Variants in TTC3 observed in about 807,000 individuals in gnomAD.
The protein encoded by TTC3 is E3 ubiquitin-protein ligase TTC3.
A neutral mutation model predicts 249.6 loss-of-function variants in TTC3; 180 were observed. The ratio of observed to expected loss-of-function variants is 0.72; its 90% CI spans 0.64 to 0.82. TTC3 has a LOEUF of 0.82. Among genes scored for constraint, TTC3 ranks in the 40% least tolerant of loss-of-function variants. The pLI is 0.00. For missense variants in TTC3, 2,061 were observed against 2,398.4 expected (o/e 0.86, Z 2.94); for synonymous variants, 717 against 805.0 (o/e 0.89, Z 1.85).
intron 35 of TTC3, among the ~76,000 whole-genome samples, chr21:37,173,521 G>A (rs1384889806): frequency 6.6e-6 from 1 of 152,224 alleles, no homozygotes; most frequent in East Asian, 1.9e-4. Context: ...AATCACAGAT[G>A]TGAGGAAATC....
intron 41 of TTC3, among the ~76,000 whole-genome samples, chr21:37,192,840 TAAAGA>T (rs2084353542): frequency 6.6e-6 from 1 of 152,182 alleles, no homozygotes; most frequent in African/African-American, 2.4e-5. Flanking sequence ...CACAGCACAG[TAAAGA>T]AAAGCATTAA....
intron 10 of TTC3, chr21:37,101,218 G>C (rs1421097682): frequency 6.6e-6 from 1 of 152,192 alleles, no homozygotes; most frequent in Admixed American, 6.5e-5. Context: ...CCTTCCATCA[G>C]ATCCCAACTG....
chr21:37,198,114 G>T, intron 44 of TTC3, 89 bp downstream of exon 44: 1 of 1,415,942 alleles, frequency 7.1e-7, no homozygotes, highest in Non-Finnish European at 9.4e-7. Flanking sequence ...TTCATTTCTA[G>T]ACCTAATTTA....
At chr21:37,153,301 C>G (rs765359837) in intron 27 of TTC3, 24 bp downstream of exon 27, 1 of 1,575,740 alleles carries the variant, frequency 6.3e-7, no homozygotes, top group Non-Finnish European at 8.6e-7. Flanking sequence ...TATTCCAGAG[C>G]AATAAACTTT....
chr21:37,090,360 G>A, intron 6 of TTC3, 74 bp downstream of exon 6: 3 of 1,344,460 alleles, frequency 2.2e-6, no homozygotes, highest in Non-Finnish European at 3.2e-6. Context: ...ATTTCCCCTT[G>A]CATTGGGTCC....
At chr21:37,138,549 T>C (rs1569024291) in intron 18 of TTC3, 85 bp from the exon 19 acceptor site, 1 of 846,106 alleles carries the variant, frequency 1.2e-6, no homozygotes, top group East Asian at 2.6e-5. Flanking sequence ...AGTGAGATTC[T>C]ATTACACTTC....
intron 44 of TTC3, among the ~76,000 whole-genome samples, chr21:37,199,964 A>C (rs1569210049): frequency 6.6e-6 from 1 of 152,234 alleles, no homozygotes; most frequent in Non-Finnish European, 1.5e-5. Flanking sequence ...TAGGTATGGT[A>C]ATCTTCACCT....
At chr21:37,093,648 A>T (rs1420062055) in intron 7 of TTC3, among the ~76,000 whole-genome samples, 4 of 152,122 alleles carry the variant, frequency 2.6e-5, no homozygotes, top group Non-Finnish European at 5.9e-5. Context: ...TGTTTATTGA[A>T]TTGACTTAAG....
At chr21:37,074,764 A>T (rs4817844) in intron 1 of TTC3, among the ~76,000 whole-genome samples, 69,138 of 151,820 alleles carry the variant, frequency 0.46, 16,246 homozygotes, top group Non-Finnish European at 0.52. Flanking sequence ...TACTGCTCCG[A>T]TTGCTCAAGG....
At chr21:37,136,779 G>A (rs2077980876) in intron 18 of TTC3, among the ~76,000 whole-genome samples, 1 of 152,192 alleles carries the variant, frequency 6.6e-6, no homozygotes, top group South Asian at 2.1e-4. Flanking sequence ...ACCTTCTGTT[G>A]GAAGAAGATG....
At chr21:37,159,136 C>A (rs1212775045) in intron 28 of TTC3, among the ~76,000 whole-genome samples, 2 of 152,184 alleles carry the variant, frequency 1.3e-5, no homozygotes, top group Non-Finnish European at 2.9e-5. Context: ...ACTGACTGTG[C>A]CCAAACCTGC....
intron 40 of TTC3, among the ~76,000 whole-genome samples, chr21:37,191,696 A>G (rs1178127973): frequency 2.0e-5 from 3 of 152,184 alleles, no homozygotes; most frequent in South Asian, 4.1e-4. Flanking sequence ...CTCCTGCCTC[A>G]GCCCCCCAAG....
In TTC3 at chr21:37,091,474, A is replaced by C. The variant is rs935939863; in HGVS notation, c.601+61A>C. 2.7e-5 allele frequency: 40 copies of C among 1,474,376 alleles called. No individual in the cohort carries two copies. The African/African-American group carries it at 5.1e-4, about 19-fold the overall frequency. The allele number at this position is 1,474,376 out of a possible 1,614,324, so 91.3% of individuals were successfully genotyped here. ...GTTTTTAAAGGTGTTTGGGAAAATG[A>C]GATATGTAGTTAAGTGATTTCTGAT... On this transcript the variant is annotated intron_variant, in intron 7 of 45. Transcript: ENST00000355666.
At chr21:37,122,929 T>C in intron 12 of TTC3, 54 bp from the exon 13 acceptor site, 1 of 1,582,162 alleles carries the variant, frequency 6.3e-7, no homozygotes, top group Non-Finnish European at 8.7e-7. Context: ...TTTTAAAGTC[T>C]GTGTTGCCAA....
intron 14 of TTC3, 58 bp from the exon 15 acceptor site, chr21:37,126,022 A>G (rs1337564577): frequency 1.3e-6 from 2 of 1,514,506 alleles, no homozygotes; most frequent in East Asian, 4.5e-5. Flanking sequence ...ATAGCTATTG[A>G]ATTCTTCATG....
chr21:37,184,579 C>T (rs1214029898), intron 36 of TTC3, among the ~76,000 whole-genome samples: 9 of 151,280 alleles, frequency 5.9e-5, no homozygotes, highest in African/African-American at 1.2e-4. Context: ...CTCAGCCTCC[C>T]GAGTAACTGG....
chr21:37,092,484 A>G (rs1284698005), intron 7 of TTC3, among the ~76,000 whole-genome samples: 1 of 152,130 alleles, frequency 6.6e-6, no homozygotes, highest in East Asian at 1.9e-4. Context: ...GATTTTTTAC[A>G]TTCTATTTTC....
In TTC3 at chr21:37,150,902, CA is replaced by C. The variant is rs2079405696; in HGVS notation, c.2276+20del. 1.3e-6 allele frequency: 2 copies of C among 1,548,042 alleles called. No homozygotes were observed. Among genetic ancestry groups the C allele is most frequent in the Non-Finnish European group, 8.9e-7 (1 of 1,125,696 alleles). On this transcript the variant is annotated intron_variant, in intron 25 of 45. Coordinates refer to ENST00000355666, the Ensembl canonical transcript of TTC3. Reference sequence around the variant, plus strand: ...TGTTCTAGGTAAGATTTTTAACAATCAATCAGTGGTTTGATGATGTCTCTTA... The same window carrying C: ...TGTTCTAGGTAAGATTTTTAACAATCATCAGTGGTTTGATGATGTCTCTTA...
intron 18 of TTC3, among the ~76,000 whole-genome samples, chr21:37,135,859 G>T (rs2077885595): frequency 6.6e-6 from 1 of 152,112 alleles, no homozygotes; most frequent in Non-Finnish European, 1.5e-5. Context: ...ATTGTACTTT[G>T]CAGACAATGC....
Sources: allele counts gnomAD v4.1 joint callset (sites outside exome capture counted in the v4.1 genomes callset), GRCh38; gene constraint gnomAD v4.1.1; transcripts MANE v1.5; gene names NCBI Gene and HGNC (gene_info 2026-07-23, HGNC 2026-07-21).